SDK2: variants seen among roughly 807,000 people sequenced by gnomAD.
The protein encoded by SDK2 is sidekick cell adhesion molecule 2, also known as protein sidekick-2.
A neutral mutation model predicts 253.9 loss-of-function variants in SDK2; 105 were observed. That is an observed-to-expected ratio of 0.41 (90% CI 0.35 to 0.49). The LOEUF (loss-of-function observed/expected upper bound fraction) is 0.49. Ranked by LOEUF, SDK2 falls within the 20% of genes least tolerant of loss-of-function variation. The pLI is 0.06. For missense variants in SDK2, 2,608 were observed against 3,003.0 expected (o/e 0.87, Z 3.07); for synonymous variants, 1,249 against 1,234.9 (o/e 1.01, Z -0.24).
At chr17:73,374,919 ACT>A (rs1239051986) in intron 36 of SDK2, among the ~76,000 whole-genome samples, 1 of 151,562 alleles carries the variant, frequency 6.6e-6, no homozygotes, top group Non-Finnish European at 1.5e-5. Flanking sequence ...CCCATTTCAG[ACT>A]CTGCTCAGCA....
chr17:73,527,614 C>G (rs773232027), intron 1 of SDK2, among the ~76,000 whole-genome samples: 4 of 152,174 alleles, frequency 2.6e-5, no homozygotes, highest in Admixed American at 6.5e-5. Context: ...GGGCTCTATC[C>G]TAATGCCGAT....
At position 73,438,021 on chromosome 17, in the gene SDK2, C is replaced by T; in HGVS notation, c.859G>A (p.Val287Ile). ...SDAGYYECEA[V>I]LRSSSVPSVV... ...GAGGGGACGCTGCTGCTGCGCAGGA[C>T]AGCCTCACACTCGTAGTAGCCGGCG... Residue 287 changes from valine to isoleucine, a missense_variant, in exon 7 of 45, where the codon GTC becomes ATC. Transcript: ENST00000392650. 6.4e-7 allele frequency: 1 copy of T among 1,551,590 alleles called. No individual in the cohort carries two copies. The highest frequency in any genetic ancestry group is 8.7e-7 in the Non-Finnish European group (1 of 1,147,026).
intron 1 of SDK2, among the ~76,000 whole-genome samples, chr17:73,563,700 A>G (rs1211313839): frequency 6.6e-6 from 1 of 152,096 alleles, no homozygotes; most frequent in African/African-American, 2.4e-5. Context: ...TTAGGTATAC[A>G]TATTTTGGGG....
intron 1 of SDK2, among the ~76,000 whole-genome samples, chr17:73,632,085 C>T (rs138687794): frequency 0.012 from 1,835 of 152,362 alleles, 21 homozygotes; most frequent in Middle Eastern, 0.044. Context: ...GGGCAACAGC[C>T]GTATCCTCAC....
rs61207815 is a variant in SDK2 at position 73,423,041 on chromosome 17, A to AATAAATAAATAAATAAATAG, written c.1897+344_1897+345insCTATTTATTTATTTATTTAT. Among the ~76,000 whole-genome samples, 604 of 151,488 alleles carry AATAAATAAATAAATAAATAG rather than the reference A, an allele frequency of 4.0e-3. 3 individuals carry two copies. Among genetic ancestry groups the AATAAATAAATAAATAAATAG allele is most frequent in the African/African-American group, 0.014 (577 of 41,222 alleles). On this transcript the variant is annotated intron_variant, in intron 14 of 44. Transcript: ENST00000392650. ...CGTCTCAAAAATGAATAAATAAATA[A>AATAAATAAATAAATAAATAG]ATAATAAATAAATAAAATGCAATGC...
chr17:73,511,734 G>C lies in SDK2; in HGVS notation c.65-4137C>G, dbSNP rs1567815178. On this transcript the variant is annotated intron_variant, in intron 1 of 44. Transcript: ENST00000392650. The surrounding 1 kb of genome is among the most constrained non-coding windows in gnomAD (Gnocchi z 4.9). Reference sequence around the variant, plus strand: ...GATCCTGGGAGGGACGCCCTACCTAGGACTCTGAGCAGTGACAGCTGATTT... The same window carrying C: ...GATCCTGGGAGGGACGCCCTACCTACGACTCTGAGCAGTGACAGCTGATTT... Among the ~76,000 whole-genome samples, 1 of 152,200 alleles carries C rather than the reference G, an allele frequency of 6.6e-6. No homozygotes were observed. The highest frequency in any genetic ancestry group is 1.5e-5 in the Non-Finnish European group (1 of 68,028).
In SDK2 at chr17:73,433,772, C is replaced by G; in HGVS notation, c.1272G>C (p.Glu424Asp). Residue 424 changes from glutamate (E) to aspartate (D), a missense_variant, in exon 10 of 45, where the codon GAG (glutamate) becomes GAC (aspartate). By Grantham distance (45) the Glu-to-Asp change is conservative. This residue lies in a region of SDK2 where 1,505 missense variants were observed against 1,859.1 expected (regional missense o/e 0.81). Transcript: ENST00000392650. The part of the protein sequence containing the change: ...IDGMSVVLAC[E>D]TSGAPRPAIT... The stretch of plus-strand genomic sequence containing the variant: ...TAGCTGGTCGGGGCGCCCCCGAGGT[C>G]TCACATGCTAGCACCACTGACATGC... 6.2e-7 allele frequency: 1 copy of G among 1,608,844 alleles called. No individual in the cohort carries two copies. Among genetic ancestry groups the G allele is most frequent in the Non-Finnish European group, 8.5e-7 (1 of 1,177,616 alleles).
rs1288347088 is a variant in SDK2 at position 73,360,912 on chromosome 17, G to A, written c.5467+772C>T. ...GATTGCACCACTGCACTCCAGCCTG[G>A]ATGACAGAGCGAGACTCTGTCTCCA... On this transcript the variant is annotated intron_variant, in intron 39 of 44. Transcript: ENST00000392650. Among the ~76,000 whole-genome samples the A allele has an allele frequency of 6.7e-5, 10 of 149,550 alleles. No homozygotes were observed. In the East Asian group the frequency reaches 2.0e-3, roughly 30 times the overall value.
intron 1 of SDK2, among the ~76,000 whole-genome samples, chr17:73,564,005 C>T (rs1352679324): frequency 6.6e-6 from 1 of 152,150 alleles, no homozygotes; most frequent in Non-Finnish European, 1.5e-5. Context: ...AAGCGATCCA[C>T]CCACCTTGTT....
intron 2 of SDK2, 89 bp from the exon 3 acceptor site, chr17:73,472,307 G>C (rs2063657779): frequency 3.6e-6 from 3 of 838,532 alleles, no homozygotes; most frequent in Non-Finnish European, 5.9e-6. Flanking sequence ...GAGGTCGCCA[G>C]GTCACCCTCT....
intron 27 of SDK2, among the ~76,000 whole-genome samples, chr17:73,391,880 G>T (rs1371282043): frequency 6.6e-6 from 1 of 152,212 alleles, no homozygotes; most frequent in Non-Finnish European, 1.5e-5. Flanking sequence ...AGAAGGTCCT[G>T]TTCTGACTTC....
intron 1 of SDK2, among the ~76,000 whole-genome samples, chr17:73,545,022 C>T (rs1219387411): frequency 1.6e-5 from 2 of 124,824 alleles, no homozygotes; most frequent in South Asian, 2.6e-4. Flanking sequence ...TCCTTGGGCC[C>T]CCTCCTGTTG....
intron 2 of SDK2, among the ~76,000 whole-genome samples, chr17:73,486,282 G>A (rs1897403010): frequency 6.6e-6 from 1 of 152,136 alleles, no homozygotes; most frequent in African/African-American, 2.4e-5. Context: ...TGTGAGACTT[G>A]AGCAGGTTTA....
chr17:73,428,950 G>A (rs1379446886), intron 12 of SDK2, among the ~76,000 whole-genome samples: 6 of 152,150 alleles, frequency 3.9e-5, no homozygotes, highest in Non-Finnish European at 7.3e-5. Context: ...CCTGGTACAG[G>A]GATTTCTGAC....
chr17:73,408,568 G>A (rs1201654551), intron 18 of SDK2, among the ~76,000 whole-genome samples: 1 of 152,184 alleles, frequency 6.6e-6, no homozygotes, highest in Non-Finnish European at 1.5e-5. Flanking sequence ...AATCAGATTA[G>A]CCTCTAGCTT....
rs1912596529 is a variant in SDK2, at chr17:73,465,722, T to C, written c.331+6390A>G. The stretch of plus-strand genomic sequence containing the variant: ...TTAGTTGTTAGCACAGCTGCCTTAT[T>C]AATTTCTCATTAGAACCCAATTCAC... On this transcript the variant is annotated intron_variant, in intron 3 of 44. Coordinates refer to ENST00000392650, the MANE Select transcript of SDK2 (RefSeq NM_001144952.2). The surrounding 1 kb of genome is among the most constrained non-coding windows in gnomAD (Gnocchi z 4.2). 6.6e-6 allele frequency among the ~76,000 whole-genome samples: 1 copy of C among 152,176 alleles called. No homozygotes were observed. Among genetic ancestry groups the C allele is most frequent in the Admixed American group, 6.5e-5 (1 of 15,276 alleles).
At chr17:73,422,985 C>T (rs983565133) in intron 14 of SDK2, among the ~76,000 whole-genome samples, 13 of 151,998 alleles carry the variant, frequency 8.6e-5, no homozygotes, top group African/African-American at 2.9e-4. Flanking sequence ...GGCACCATTG[C>T]ACTCCAGCCT....
intron 29 of SDK2, 87 bp downstream of exon 29, chr17:73,390,200 C>T: frequency 8.5e-7 from 1 of 1,174,688 alleles, no homozygotes; most frequent in Non-Finnish European, 1.2e-6. Context: ...GCAGCTCATA[C>T]CAGCCATCCA....
At chr17:73,340,095 C>G (rs1280502617) in intron 44 of SDK2, among the ~76,000 whole-genome samples, 2 of 152,186 alleles carry the variant, frequency 1.3e-5, no homozygotes, top group African/African-American at 4.8e-5. Flanking sequence ...TGGTCTTGAA[C>G]TCCTGACCTC....
Sources: allele counts gnomAD v4.1 joint callset (sites outside exome capture counted in the v4.1 genomes callset), GRCh38; gene constraint gnomAD v4.1.1; regional missense constraint gnomAD v4.1.1; non-coding constraint Gnocchi (gnomAD v3.1); transcripts MANE v1.5; gene names NCBI Gene and HGNC (gene_info 2026-07-23, HGNC 2026-07-21).